Variants in MICU1 observed in about 807,000 individuals in gnomAD.
The protein encoded by MICU1 is mitochondrial calcium uptake 1.
Under a neutral mutation model 56.8 loss-of-function variants are expected in MICU1, and 45 were observed. That is an observed-to-expected ratio of 0.79 (90% CI 0.62 to 1.02). MICU1 has a LOEUF of 1.02. MICU1 is among the 50% of genes least tolerant of loss of function. MICU1 has a pLI of 0.00. For synonymous variants in MICU1, 186 were observed against 195.1 expected, an observed-to-expected ratio of 0.95 and a Z score of 0.39; for missense variants, 504 against 587.1, an observed-to-expected ratio of 0.86 and a Z score of 1.46.
intron 1 of MICU1, among the ~76,000 whole-genome samples, chr10:72,568,056 C>T (rs920959454): frequency 2.6e-4 from 40 of 152,042 alleles, no homozygotes; most frequent in African/African-American, 8.7e-4. Flanking sequence ...TTCAATGTCT[C>T]GGAGTTAGGT....
intron 6 of MICU1, among the ~76,000 whole-genome samples, chr10:72,500,257 C>T (rs867223885): frequency 2.1e-5 from 1 of 47,800 alleles, no homozygotes; most frequent in African/African-American, 7.5e-5. Flanking sequence ...TACATACATA[C>T]ATACATATAT....
chr10:72,562,818 T>A (rs1840333180), intron 3 of MICU1, 77 bp downstream of exon 3: 1 of 1,205,632 alleles, frequency 8.3e-7, no homozygotes, highest in African/African-American at 1.5e-5. Flanking sequence ...ATCTGAAACA[T>A]ATGATTAAAA....
intron 1 of MICU1, among the ~76,000 whole-genome samples, chr10:72,623,300 C>CAAAAAAAAA (rs1164753291): frequency 1.4e-4 from 8 of 55,836 alleles, no homozygotes; most frequent in Non-Finnish European, 1.5e-4. Flanking sequence ...GACTCCGTCT[C>CAAAAAAAAA]AAAAAAAAAA....
At chr10:72,543,343 A>C (rs949470248) in intron 4 of MICU1, among the ~76,000 whole-genome samples, 2 of 152,184 alleles carry the variant, frequency 1.3e-5, no homozygotes, top group African/African-American at 4.8e-5. Context: ...ATTATTAACC[A>C]AATTAAAAGT....
intron 1 of MICU1, among the ~76,000 whole-genome samples, chr10:72,596,822 G>T (rs559266470): frequency 6.7e-6 from 1 of 150,186 alleles, no homozygotes; most frequent in African/African-American, 2.5e-5. Flanking sequence ...GCAATGAGCC[G>T]AGATGGCGCC....
At chr10:72,580,757 G>A (rs1464105146) in intron 1 of MICU1, among the ~76,000 whole-genome samples, 5 of 152,308 alleles carry the variant, frequency 3.3e-5, no homozygotes, top group South Asian at 2.1e-4. Context: ...GATTACAGGC[G>A]TGAACCACTG....
At chr10:72,555,086 C>G (rs1840127228) in intron 3 of MICU1, among the ~76,000 whole-genome samples, 1 of 151,942 alleles carries the variant, frequency 6.6e-6, no homozygotes, top group Non-Finnish European at 1.5e-5. Context: ...TGACGTTGAA[C>G]AATAAAACTA....
intron 4 of MICU1, among the ~76,000 whole-genome samples, chr10:72,545,921 TACAA>T (rs1277726231): frequency 1.3e-5 from 2 of 152,256 alleles, no homozygotes; most frequent in Non-Finnish European, 2.9e-5. Context: ...ATCTTCTTGC[TACAA>T]ACAGTCTGTT....
intron 5 of MICU1, among the ~76,000 whole-genome samples, chr10:72,518,037 T>C (rs1340251873): frequency 1.3e-5 from 2 of 151,164 alleles, no homozygotes; most frequent in Admixed American, 6.6e-5. Flanking sequence ...TTTTCTTCTT[T>C]TTTTTTTTTT....
intron 4 of MICU1, among the ~76,000 whole-genome samples, chr10:72,535,867 T>C (rs1839619459): frequency 6.6e-6 from 1 of 152,196 alleles, no homozygotes; most frequent in African/African-American, 2.4e-5. Context: ...AACAGCCATC[T>C]TTAAAAAGGT....
chr10:72,579,616 T>G (rs1252211970), intron 1 of MICU1, among the ~76,000 whole-genome samples: 1 of 152,108 alleles, frequency 6.6e-6, no homozygotes, highest in African/African-American at 2.4e-5. Flanking sequence ...TTTTTACCAT[T>G]AAGTACATAT....
At chr10:72,404,493 T>G (rs376418892) in intron 10 of MICU1, among the ~76,000 whole-genome samples, 30 of 152,288 alleles carry the variant, frequency 2.0e-4, no homozygotes, top group African/African-American at 7.2e-4. Flanking sequence ...ATTGGTTCTT[T>G]GAAAAGATTA....
At chr10:72,611,822 CATCACT>C (rs1434004334) in intron 1 of MICU1, among the ~76,000 whole-genome samples, 1 of 151,796 alleles carries the variant, frequency 6.6e-6, no homozygotes, top group African/African-American at 2.4e-5. Context: ...TAAGCAACTC[CATCACT>C]GTCACAACGC....
intron 8 of MICU1, among the ~76,000 whole-genome samples, chr10:72,441,986 A>C (rs531428140): frequency 6.6e-6 from 1 of 152,160 alleles, no homozygotes; most frequent in Non-Finnish European, 1.5e-5. Flanking sequence ...CTTTATTTGT[A>C]AAAGCAGAAA....
chr10:72,607,755 C>T (rs1841731952), intron 1 of MICU1, among the ~76,000 whole-genome samples: 1 of 151,912 alleles, frequency 6.6e-6, no homozygotes, highest in Non-Finnish European at 1.5e-5. Flanking sequence ...ACCTCCAATT[C>T]GCAGTGAGGT....
At chr10:72,582,139 G>A (rs1840916634) in intron 1 of MICU1, among the ~76,000 whole-genome samples, 1 of 152,138 alleles carries the variant, frequency 6.6e-6, no homozygotes. Flanking sequence ...ATGTTGGTCA[G>A]GCTGGTCTTG....
chr10:72,470,708 CG>C (rs112065165), intron 8 of MICU1, among the ~76,000 whole-genome samples: 6,865 of 151,502 alleles, frequency 0.045, 511 homozygotes, highest in African/African-American at 0.16. Flanking sequence ...GAACTTTGAT[CG>C]GGGGGGGTGA....
chr10:72,450,992 AG>A (rs1865279203), intron 8 of MICU1, among the ~76,000 whole-genome samples: 1 of 148,162 alleles, frequency 6.7e-6, no homozygotes, highest in African/African-American at 2.5e-5. Context: ...CTGGGATTAC[AG>A]GCGTGAGCTA....
chr10:72,399,014 C>T, intron 10 of MICU1, among the ~76,000 whole-genome samples: 1 of 152,192 alleles, frequency 6.6e-6, no homozygotes, highest in Non-Finnish European at 1.5e-5. Flanking sequence ...AGACCAATAT[C>T]CCTGATGAAC....
Sources: gnomAD v4.1 joint callset for allele counts (sites outside exome capture counted in the v4.1 genomes callset) on GRCh38, gnomAD v4.1.1 for gene constraint, MANE v1.5 for transcripts, NCBI Gene and HGNC (gene_info 2026-07-23, HGNC 2026-07-21) for gene names.